PHACTR3: variants seen among roughly 807,000 people sequenced by gnomAD.
PHACTR3 encodes phosphatase and actin regulator 3.
In PHACTR3, 16 loss-of-function variants were observed where a neutral mutation model predicts 66.8. That is an observed-to-expected ratio of 0.24 (90% CI 0.16 to 0.36). The LOEUF (loss-of-function observed/expected upper bound fraction) is 0.36, where lower values mean the gene tolerates loss of function less well. Among genes scored for constraint, PHACTR3 ranks in the 10% least tolerant of loss-of-function variants. The probability of loss-of-function intolerance (pLI) is 1.00; values close to 1 mark genes in which losing one functional copy is unlikely to be tolerated. For synonymous variants in PHACTR3, 323 were observed against 292.1 expected, an observed-to-expected ratio of 1.11 and a Z score of -1.08; for missense variants, 647 against 719.9, an observed-to-expected ratio of 0.90 and a Z score of 1.16.
chr20:59,649,167 T>C (rs1352091877), intron 1 of PHACTR3, among the ~76,000 whole-genome samples: 1 of 152,100 alleles, frequency 6.6e-6, no homozygotes, highest in African/African-American at 2.4e-5. Context: ...CTAATGAGAG[T>C]GAGGTTTTAT....
intron 1 of PHACTR3, among the ~76,000 whole-genome samples, chr20:59,664,069 C>T (rs2035906970): frequency 6.6e-6 from 1 of 152,096 alleles, no homozygotes; most frequent in Non-Finnish European, 1.5e-5. Context: ...AGAGAAAAGC[C>T]ACACTTAACT....
chr20:59,751,080 A>T (rs2039560722), intron 3 of PHACTR3, among the ~76,000 whole-genome samples: 1 of 152,250 alleles, frequency 6.6e-6, no homozygotes, highest in Admixed American at 6.5e-5. Context: ...TCAGGGGAGG[A>T]TCAGGCTTGA....
chr20:59,730,759 T>G (rs2038734527), intron 1 of PHACTR3, among the ~76,000 whole-genome samples: 2 of 152,198 alleles, frequency 1.3e-5, no homozygotes, highest in African/African-American at 2.4e-5. Flanking sequence ...TTCTACTAGT[T>G]TTTGCAAATA....
chr20:59,660,261 G>T (rs762275864), intron 1 of PHACTR3, among the ~76,000 whole-genome samples: 1 of 152,224 alleles, frequency 6.6e-6, no homozygotes, highest in Non-Finnish European at 1.5e-5. Flanking sequence ...TTGGGAGGCT[G>T]AGGTGGGCAG....
chr20:59,605,196 A>G (rs2033616160), intron 1 of PHACTR3, 64 bp downstream of exon 1: 3 of 1,162,858 alleles, frequency 2.6e-6, no homozygotes, highest in East Asian at 3.2e-5. Context: ...CGCTGAGAGC[A>G]GGACCCCGCG....
chr20:59,731,489 C>T (rs2038760917), intron 1 of PHACTR3, among the ~76,000 whole-genome samples: 1 of 152,156 alleles, frequency 6.6e-6, no homozygotes, highest in African/African-American at 2.4e-5. Context: ...TGAATTTGTG[C>T]TGCCAAATTC....
upstream of PHACTR3, among the ~76,000 whole-genome samples, chr20:59,599,619 C>T (rs1424647767): frequency 6.6e-6 from 1 of 152,154 alleles, no homozygotes; most frequent in Admixed American, 6.5e-5. Flanking sequence ...GCATCACACC[C>T]ACCCTGTTGT....
intron 8 of PHACTR3, among the ~76,000 whole-genome samples, chr20:59,826,952 C>T (rs773758217): frequency 5.9e-5 from 9 of 152,148 alleles, no homozygotes; most frequent in Admixed American, 2.0e-4. Flanking sequence ...GGTTTTCCTC[C>T]GGAGGATTTG....
intron 1 of PHACTR3, among the ~76,000 whole-genome samples, chr20:59,680,357 G>A (rs774879901): frequency 1.4e-4 from 22 of 152,154 alleles, no homozygotes; most frequent in Non-Finnish European, 2.2e-4. Flanking sequence ...AGTGGTGGCA[G>A]GCTGGACAGG....
chr20:59,801,708 T>C (rs746887452), intron 7 of PHACTR3, among the ~76,000 whole-genome samples: 5 of 152,270 alleles, frequency 3.3e-5, no homozygotes, highest in Non-Finnish European at 7.3e-5. Flanking sequence ...TAATCCTCGC[T>C]GTAGATAAAC....
In PHACTR3 at chr20:59,645,459, C is replaced by T. The variant is rs74706625; in HGVS notation, c.118+40327C>T. Reference sequence around the variant, plus strand: ...GCCTCCCTCAGATCCCAGCCTGTGGCGCCTTTCTCGTCACGTGTGTGTCCG... The same window carrying T: ...GCCTCCCTCAGATCCCAGCCTGTGGTGCCTTTCTCGTCACGTGTGTGTCCG... On this transcript the variant is annotated intron_variant, in intron 1 of 12. Coordinates refer to ENST00000371015, the MANE Select transcript of PHACTR3 (RefSeq NM_080672.5). Among the ~76,000 whole-genome samples the T allele has an allele frequency of 6.7e-4, 102 of 152,188 alleles. 1 individual carries two copies. In the East Asian group the frequency reaches 0.018, roughly 26 times the overall value.
chr20:59,720,188 C>A (rs553427759), intron 1 of PHACTR3, among the ~76,000 whole-genome samples: 3 of 152,288 alleles, frequency 2.0e-5, no homozygotes, highest in Admixed American at 2.0e-4. Context: ...AGCAGGCTAG[C>A]ATATCTGGTC....
At chr20:59,744,189 A>G (rs1211109851) in intron 2 of PHACTR3, among the ~76,000 whole-genome samples, 2 of 152,164 alleles carry the variant, frequency 1.3e-5, no homozygotes, top group Admixed American at 1.3e-4. Flanking sequence ...ATCCTGCCCC[A>G]TCGGAAGGGA....
intron 8 of PHACTR3, among the ~76,000 whole-genome samples, chr20:59,818,146 G>A (rs1406445795): frequency 6.6e-6 from 1 of 152,202 alleles, no homozygotes; most frequent in Non-Finnish European, 1.5e-5. Flanking sequence ...GCCGCACAGT[G>A]CACCGCTGAG....
chr20:59,683,162 G>T (rs2036727459), intron 1 of PHACTR3, among the ~76,000 whole-genome samples: 1 of 152,174 alleles, frequency 6.6e-6, no homozygotes, highest in East Asian at 1.9e-4. Flanking sequence ...GGACTCTCAG[G>T]TTCTGTCGTG....
chr20:59,652,745 C>T (rs141944511), intron 1 of PHACTR3, among the ~76,000 whole-genome samples: 39 of 152,066 alleles, frequency 2.6e-4, no homozygotes, highest in African/African-American at 9.2e-4. Flanking sequence ...TCTGGAAATA[C>T]CCTTGTAGAC....
chr20:59,578,383 C>T (rs558288510), intron 1 of PHACTR3, among the ~76,000 whole-genome samples: 18 of 152,278 alleles, frequency 1.2e-4, no homozygotes, highest in African/African-American at 3.6e-4. Context: ...CCAGTGTTTC[C>T]GCACTGGCCC....
chr20:59,803,787 CTTTTTATG>C (rs1309195887), intron 7 of PHACTR3, among the ~76,000 whole-genome samples: 2 of 152,110 alleles, frequency 1.3e-5, no homozygotes, highest in African/African-American at 4.8e-5. Context: ...CTTTCATGTA[CTTTTTATG>C]TGTTTGTCCC....
intron 4 of PHACTR3, among the ~76,000 whole-genome samples, chr20:59,756,681 T>A (rs1234012996): frequency 1.3e-5 from 2 of 152,032 alleles, no homozygotes; most frequent in African/African-American, 4.8e-5. Flanking sequence ...TGGTTCTTTT[T>A]TTTTTTAATA....
Sources: allele counts gnomAD v4.1 joint callset (sites outside exome capture counted in the v4.1 genomes callset), GRCh38; gene constraint gnomAD v4.1.1; transcripts MANE v1.5; gene names NCBI Gene and HGNC (gene_info 2026-07-23, HGNC 2026-07-21).